GPAT3: variants seen among roughly 807,000 people sequenced by gnomAD.
GPAT3 encodes glycerol-3-phosphate acyltransferase 3.
Under a neutral mutation model 58.8 loss-of-function variants are expected in GPAT3, and 53 were observed. The ratio of observed to expected loss-of-function variants is 0.90; its 90% CI spans 0.72 to 1.13. GPAT3 has a LOEUF of 1.13. GPAT3 is among the 50% of genes most tolerant of loss of function. GPAT3 has a pLI of 0.00. For missense variants in GPAT3, 511 were observed against 527.6 expected (o/e 0.97, Z 0.31); for synonymous variants, 197 against 187.4 (o/e 1.05, Z -0.42).
chr4:83,577,893 G>A (rs910290825), intron 2 of GPAT3, among the ~76,000 whole-genome samples: 6 of 138,450 alleles, frequency 4.3e-5, no homozygotes, highest in African/African-American at 1.1e-4. Flanking sequence ...CTCACCTCCC[G>A]GATTCAAGTG....
intron 2 of GPAT3, among the ~76,000 whole-genome samples, chr4:83,547,504 G>A (rs146753513): frequency 0.59 from 89,109 of 150,654 alleles, 27,476 homozygotes; most frequent in African/African-American, 0.77. Flanking sequence ...TGCCCACCTC[G>A]GCCTCCCAAA....
chr4:83,580,149 A>G (rs1340841445), intron 2 of GPAT3, among the ~76,000 whole-genome samples: 1 of 152,240 alleles, frequency 6.6e-6, no homozygotes, highest in Non-Finnish European at 1.5e-5. Flanking sequence ...AATAGTTAGA[A>G]TTGAATGACA....
At position 83,596,842 on chromosome 4, in the gene GPAT3, CT is replaced by C. The variant is rs763210614; in HGVS notation, c.855-7del. The C allele has an allele frequency of 5.2e-5, 81 of 1,570,110 alleles. No homozygotes were observed. The highest frequency in any genetic ancestry group is 1.7e-4 in the Middle Eastern group (1 of 5,970). ...TCTTTATAAAGGCAGAATTTTGATC[CT>C]TTTTTTTTCCATAGACTAAAAGAAC... On this transcript the variant is annotated splice_polypyrimidine_tract_variant and intron_variant, in intron 7 of 11. Coordinates refer to ENST00000264409, the MANE Select transcript of GPAT3 (RefSeq NM_032717.5).
intron 2 of GPAT3, among the ~76,000 whole-genome samples, chr4:83,547,472 T>G (rs1022848643): frequency 6.6e-6 from 1 of 151,642 alleles, no homozygotes; most frequent in Non-Finnish European, 1.5e-5. Context: ...CAGGATGGTC[T>G]CGATCTCCTG....
Position 83,596,842 on chromosome 4 carries a change from C to CT in GPAT3, c.855-7dup, listed in dbSNP as rs763210614. ...TCTTTATAAAGGCAGAATTTTGATCCTTTTTTTTTCCATAGACTAAAAGAA... is the reference window on the plus strand; with the variant it reads ...TCTTTATAAAGGCAGAATTTTGATCCTTTTTTTTTTCCATAGACTAAAAGAA... On this transcript the variant is annotated splice_polypyrimidine_tract_variant and intron_variant, in intron 7 of 11. Coordinates refer to ENST00000264409, the MANE Select transcript of GPAT3 (RefSeq NM_032717.5). The CT allele has an allele frequency of 5.7e-4, 892 of 1,559,980 alleles. No homozygotes were observed. The highest frequency in any genetic ancestry group is 6.8e-4 in the Admixed American group (39 of 57,512).
At chr4:83,565,349 T>C (rs942959189) in intron 2 of GPAT3, among the ~76,000 whole-genome samples, 90 of 152,082 alleles carry the variant, frequency 5.9e-4, no homozygotes, top group African/African-American at 1.9e-3. Context: ...GATCCTCCCA[T>C]CTCAGCCTCC....
At chr4:83,537,798 G>T (rs1342782096) in intron 1 of GPAT3, among the ~76,000 whole-genome samples, 1 of 152,020 alleles carries the variant, frequency 6.6e-6, no homozygotes, top group Non-Finnish European at 1.5e-5. Flanking sequence ...CAGCCTAGTG[G>T]TTAGGATTAG....
intron 2 of GPAT3, among the ~76,000 whole-genome samples, chr4:83,572,658 C>A (rs928551083): frequency 1.3e-5 from 2 of 152,096 alleles, no homozygotes; most frequent in African/African-American, 4.8e-5. Flanking sequence ...ATATCATATC[C>A]TTTTACATAC....
At chr4:83,543,976 G>T (rs1027554922) in intron 1 of GPAT3, among the ~76,000 whole-genome samples, 1 of 152,136 alleles carries the variant, frequency 6.6e-6, no homozygotes, top group South Asian at 2.1e-4. Flanking sequence ...AGCTTTCCAA[G>T]TCTGTGCTGC....
chr4:83,540,114 G>A (rs547369450), intron 1 of GPAT3, among the ~76,000 whole-genome samples: 14 of 145,726 alleles, frequency 9.6e-5, no homozygotes, highest in East Asian at 4.0e-4. Context: ...CCAAGATCAC[G>A]CCACTGCGCT....
At chr4:83,550,923 C>A (rs2110075769) in intron 2 of GPAT3, among the ~76,000 whole-genome samples, 1 of 152,254 alleles carries the variant, frequency 6.6e-6, no homozygotes, top group South Asian at 2.1e-4. Flanking sequence ...CTTAACATAG[C>A]TCTGTAGAAG....
chr4:83,573,262 C>A (rs1433765987), intron 2 of GPAT3, among the ~76,000 whole-genome samples: 2 of 152,182 alleles, frequency 1.3e-5, no homozygotes, highest in African/African-American at 4.8e-5. Flanking sequence ...CCTCAGCCTC[C>A]TGAGTAGCTG....
intron 2 of GPAT3, among the ~76,000 whole-genome samples, chr4:83,545,577 G>A (rs145676676): frequency 4.9e-4 from 75 of 152,196 alleles, no homozygotes; most frequent in African/African-American, 1.7e-3. Context: ...TGAAAACATT[G>A]GAGTATTTTT....
chr4:83,563,417 C>A (rs1440138684), intron 2 of GPAT3, among the ~76,000 whole-genome samples: 1 of 150,874 alleles, frequency 6.6e-6, no homozygotes, highest in African/African-American at 2.4e-5. Context: ...TTTCTTTATG[C>A]TATTACATTA....
upstream of GPAT3, chr4:83,536,083 G>C: frequency 1.0e-6 from 1 of 985,546 alleles, no homozygotes; most frequent in South Asian, 4.7e-5. Context: ...CGCAGAAATA[G>C]GGCGCTGGGC....
intron 11 of GPAT3, among the ~76,000 whole-genome samples, chr4:83,603,002 GA>G (rs1727117112): frequency 6.6e-6 from 1 of 152,260 alleles, no homozygotes; most frequent in Non-Finnish European, 1.5e-5. Flanking sequence ...CTAGAAGCCA[GA>G]ACATTGCATT....
chr4:83,560,235 A>G (rs963438437), intron 2 of GPAT3, among the ~76,000 whole-genome samples: 7 of 152,148 alleles, frequency 4.6e-5, no homozygotes, highest in Admixed American at 1.3e-4. Flanking sequence ...AGACCTTTAC[A>G]TCTCCTGTGA....
chr4:83,596,716 CAA>C lies in GPAT3; in HGVS notation c.855-140_855-139del, dbSNP rs1470553000. The C allele has an allele frequency of 6.0e-6, 4 of 661,262 alleles. No homozygotes were observed. In the African/African-American group the frequency reaches 7.5e-5, roughly 12 times the overall value. 41.0% of individuals were successfully genotyped at this position (661,262 alleles called of 1,614,324 possible). ...AAACTTTTTTGGAAAGGAAACAACTCAAATTTATTTCTTTTACCTGTATCTCA... is the reference window on the plus strand; with the variant it reads ...AAACTTTTTTGGAAAGGAAACAACTCATTTATTTCTTTTACCTGTATCTCA... On this transcript the variant is annotated intron_variant, in intron 7 of 11. Coordinates refer to ENST00000264409, the MANE Select transcript of GPAT3 (RefSeq NM_032717.5).
intron 2 of GPAT3, among the ~76,000 whole-genome samples, chr4:83,578,985 T>TTTCTTTCTTTCTTTCTTTCC (rs1560620736): frequency 6.8e-5 from 9 of 131,864 alleles, no homozygotes; most frequent in Admixed American, 1.5e-4. Flanking sequence ...TCTTTCTTTC[T>TTTCTTTCTTTCTTTCTTTCC]TTCCTTCCTT....
Sources: gnomAD v4.1 joint callset for allele counts (sites outside exome capture counted in the v4.1 genomes callset) on GRCh38, gnomAD v4.1.1 for gene constraint, MANE v1.5 for transcripts, NCBI Gene and HGNC (gene_info 2026-07-23, HGNC 2026-07-21) for gene names.